GLIPR1L1: variants seen among roughly 807,000 people sequenced by gnomAD.
GLIPR1L1 encodes the protein GLIPR1 like 1, also known as GLIPR1-like protein 1.
In GLIPR1L1, 26 loss-of-function variants were observed where a neutral mutation model predicts 29.9. The observed-to-expected ratio is 0.87, with a 90% CI of 0.64 to 1.21. The LOEUF is 1.21. Among genes scored for constraint, GLIPR1L1 ranks in the 50% most tolerant of loss-of-function variants. The pLI is 0.00. For missense variants in GLIPR1L1, 305 were observed against 290.3 expected (o/e 1.05, Z -0.37); for synonymous variants, 77 against 97.5 (o/e 0.79, Z 1.24).
intron 4 of GLIPR1L1, among the ~76,000 whole-genome samples, chr12:75,369,151 G>A (rs975418575): frequency 7.9e-5 from 12 of 151,866 alleles, no homozygotes; most frequent in Admixed American, 3.3e-4. Flanking sequence ...GTGATTAAGC[G>A]TATTAAATAT....
Position 75,343,716 on chromosome 12 carries a change from G to A in GLIPR1L1, c.198G>A (p.Lys66=). The A allele has an allele frequency of 6.2e-7, 1 of 1,609,990 alleles. No homozygotes were observed. Reference sequence around the variant, plus strand: ...AGATTTGGGATAAAGGTTTAGCAAAGATGGCTAAAGCATGGGCAAACCAGT... The same window carrying A: ...AGATTTGGGATAAAGGTTTAGCAAAAATGGCTAAAGCATGGGCAAACCAGT... ...KYMIWDKGLA[K]MAKAWANQCK... Residue 66 remains lysine, a synonymous_variant, in exon 2 of 6, where the codon AAG becomes AAA. Transcript: ENST00000378695.
intron 4 of GLIPR1L1, 75 bp downstream of exon 4, chr12:75,363,265 G>C (rs991518175): frequency 1.5e-6 from 1 of 654,424 alleles, no homozygotes; most frequent in Admixed American, 4.2e-5. Context: ...TTAAAATTTG[G>C]CTTCTCAAGT....
chr12:75,344,733 T>C (rs909126199), intron 2 of GLIPR1L1, among the ~76,000 whole-genome samples: 1 of 152,164 alleles, frequency 6.6e-6, no homozygotes, highest in African/African-American at 2.4e-5. Flanking sequence ...CTGTATACTA[T>C]AAATATTCTT....
At chr12:75,356,252 C>A (rs1364076342) in intron 3 of GLIPR1L1, among the ~76,000 whole-genome samples, 1 of 152,006 alleles carries the variant, frequency 6.6e-6, no homozygotes, top group Non-Finnish European at 1.5e-5. Flanking sequence ...ATAAAACTGT[C>A]AACTGAAAAT....
Position 75,345,592 on chromosome 12 carries a change from A to G in GLIPR1L1, c.420+1654A>G, listed in dbSNP as rs1272359337. The stretch of plus-strand genomic sequence containing the variant: ...CAACTTCCATGTTCCCTTTATGTTC[A>G]CTCTTCGTTCAACAACAGGTTGTTC... On this transcript the variant is annotated intron_variant, in intron 2 of 5. Transcript: ENST00000378695. 2.0e-5 allele frequency among the ~76,000 whole-genome samples: 3 copies of G among 152,096 alleles called. No homozygotes were observed. The East Asian group carries it at 5.8e-4, about 29-fold the overall frequency.
chr12:75,336,323 T>A (rs930932989), intron 1 of GLIPR1L1, among the ~76,000 whole-genome samples: 11 of 151,754 alleles, frequency 7.2e-5, no homozygotes, highest in Non-Finnish European at 1.5e-4. Context: ...AAATAGCAAA[T>A]GGTAGACTAA....
At chr12:75,357,076 G>C (rs1374179779) in intron 3 of GLIPR1L1, among the ~76,000 whole-genome samples, 14 of 152,108 alleles carry the variant, frequency 9.2e-5, no homozygotes, top group African/African-American at 2.4e-5. Context: ...CTGTAGTTCA[G>C]TTACTCAGGA....
chr12:75,369,021 G>A (rs1450485156), intron 4 of GLIPR1L1, among the ~76,000 whole-genome samples: 2 of 151,270 alleles, frequency 1.3e-5, no homozygotes, highest in Non-Finnish European at 1.5e-5. Context: ...TCTCTTTTTT[G>A]TTGATCAATC....
At chr12:75,343,621 G>A in intron 1 of GLIPR1L1, 72 bp from the exon 2 acceptor site, 6 of 1,178,556 alleles carry the variant, frequency 5.1e-6, no homozygotes, top group Non-Finnish European at 7.0e-6. Context: ...AAACTTAGTT[G>A]ATTACAATAA....
intron 1 of GLIPR1L1, among the ~76,000 whole-genome samples, 166 bp from the exon 2 acceptor site, chr12:75,343,527 G>A (rs1046031268): frequency 6.6e-6 from 1 of 151,944 alleles, no homozygotes; most frequent in African/African-American, 2.4e-5. Context: ...TATTTCTGAA[G>A]TAGAACTAAA....
chr12:75,363,512 T>C (rs1280316340), intron 4 of GLIPR1L1, among the ~76,000 whole-genome samples: 1 of 152,168 alleles, frequency 6.6e-6, no homozygotes. Context: ...TGTTATTAGT[T>C]ATTAGAATAG....
At chr12:75,362,202 TTTTAA>T (rs2043641312) in intron 3 of GLIPR1L1, among the ~76,000 whole-genome samples, 1 of 152,104 alleles carries the variant, frequency 6.6e-6, no homozygotes, top group Non-Finnish European at 1.5e-5. Flanking sequence ...TAAAACTCAA[TTTTAA>T]TTTTTTTTAA....
chr12:75,341,747 C>CTTCTTTTT (rs2042130923), intron 1 of GLIPR1L1, among the ~76,000 whole-genome samples: 3 of 83,418 alleles, frequency 3.6e-5, no homozygotes, highest in African/African-American at 5.3e-5. Context: ...CGCCCGGCCT[C>CTTCTTTTT]TTTTTTTTTT....
intron 1 of GLIPR1L1, 105 bp downstream of exon 1, chr12:75,335,007 C>CAT: frequency 8.9e-7 from 1 of 1,122,802 alleles, no homozygotes; most frequent in Non-Finnish European, 1.3e-6. Flanking sequence ...CCGGACTTTA[C>CAT]ATATATGCAG....
At position 75,347,651 on chromosome 12, in the gene GLIPR1L1, T is replaced by C. The variant is rs773490562; in HGVS notation, c.450T>C (p.Gly150=). The C allele has an allele frequency of 5.0e-6, 8 of 1,609,946 alleles. No individual in the cohort carries two copies. The South Asian group carries it at 6.6e-5, about 13-fold the overall frequency. ...TTTGGGCCAATTCATTTTATGTCGG[T>C]TGTGCAGTTGCAATGTGTCCTAACC... ...QLVWANSFYV[G]CAVAMCPNLG... The change falls in exon 3 of 6, where the codon GGT becomes GGC. Residue 150 remains glycine (G), a synonymous_variant. Transcript: ENST00000378695.
intron 2 of GLIPR1L1, 42 bp downstream of exon 2, chr12:75,343,980 A>G (rs2042287615): frequency 6.7e-7 from 1 of 1,486,682 alleles, no homozygotes; most frequent in African/African-American, 1.4e-5. Flanking sequence ...TTATTTGTGC[A>G]TATTTTAATT....
At chr12:75,342,445 T>C (rs137960943) in intron 1 of GLIPR1L1, among the ~76,000 whole-genome samples, 5 of 152,296 alleles carry the variant, frequency 3.3e-5, no homozygotes, top group Admixed American at 3.3e-4. Context: ...TATAATTAGT[T>C]AAAAATAAAA....
At chr12:75,354,770 A>C (rs571674389) in intron 3 of GLIPR1L1, among the ~76,000 whole-genome samples, 2 of 152,350 alleles carry the variant, frequency 1.3e-5, no homozygotes, top group South Asian at 4.1e-4. Context: ...TGGTACTGGT[A>C]CAAAAACAGA....
intron 1 of GLIPR1L1, among the ~76,000 whole-genome samples, chr12:75,343,459 C>T (rs1377429954): frequency 1.3e-5 from 2 of 151,928 alleles, no homozygotes; most frequent in Non-Finnish European, 2.9e-5. Context: ...ATGTACCAGG[C>T]CATCTGCTAA....
Sources: allele counts gnomAD v4.1 joint callset (sites outside exome capture counted in the v4.1 genomes callset), GRCh38; gene constraint gnomAD v4.1.1; transcripts MANE v1.5; gene names NCBI Gene and HGNC (gene_info 2026-07-23, HGNC 2026-07-21).